ILDR2: variants seen among roughly 807,000 people sequenced by gnomAD.
The protein encoded by ILDR2 is immunoglobulin-like domain-containing receptor 2.
ILDR2 carries 25 observed loss-of-function variants against 66.8 expected under a neutral mutation model. The observed-to-expected ratio is 0.37, with a 90% CI of 0.27 to 0.52. The LOEUF (loss-of-function observed/expected upper bound fraction) is 0.52, where lower values mean the gene tolerates loss of function less well. ILDR2 is among the 20% of genes least tolerant of loss of function. The probability of loss-of-function intolerance (pLI) is 0.88; values close to 1 mark genes in which losing one functional copy is unlikely to be tolerated. For synonymous variants in ILDR2, 367 were observed against 357.2 expected, an observed-to-expected ratio of 1.03 and a Z score of -0.31; for missense variants, 827 against 876.8, an observed-to-expected ratio of 0.94 and a Z score of 0.72.
chr1:166,901,964 G>A (rs972336342), intron 2 of ILDR2, among the ~76,000 whole-genome samples: 4 of 152,192 alleles, frequency 2.6e-5, no homozygotes, highest in East Asian at 1.9e-4. Context: ...GGGTTCAGGC[G>A]ATTCTCCCGC....
rs571510907 is a variant in ILDR2 at position 166,939,825 on chromosome 1, T to C, written c.500-255A>G. ...ACAGAACTTTCTCTCCAACTATTTATAGGAGGAGGAAATCTCTGCTTGAGC... is the reference window on the plus strand; with the variant it reads ...ACAGAACTTTCTCTCCAACTATTTACAGGAGGAGGAAATCTCTGCTTGAGC... On this transcript the variant is annotated intron_variant, in intron 3 of 9. Coordinates refer to ENST00000271417, the MANE Select transcript of ILDR2 (RefSeq NM_199351.3). Among the ~76,000 whole-genome samples, 5 of 152,344 alleles carry C rather than the reference T, an allele frequency of 3.3e-5. No individual in the cohort carries two copies. In the South Asian group the frequency reaches 8.3e-4, roughly 25 times the overall value.
In ILDR2 at chr1:166,898,664, T is replaced by C. The variant is rs780222589; in HGVS notation, n.172-2563A>G. On this transcript the variant is annotated intron_variant and non_coding_transcript_variant, in intron 2 of 2. Transcript: ENST00000414590. ...TTTCTCTTATCACTTGTACATGATATGACATGATGAGATCATTTACTTTTC... is the reference window on the plus strand; with the variant it reads ...TTTCTCTTATCACTTGTACATGATACGACATGATGAGATCATTTACTTTTC... Among the ~76,000 whole-genome samples the C allele has an allele frequency of 4.6e-5, 7 of 152,372 alleles. No individual in the cohort carries two copies. In the South Asian group the frequency reaches 1.0e-3, roughly 23 times the overall value.
At chr1:166,938,281 AT>A (rs1661104037) in intron 4 of ILDR2, among the ~76,000 whole-genome samples, 1 of 152,268 alleles carries the variant, frequency 6.6e-6, no homozygotes. Context: ...TGGGTCAAGC[AT>A]TCAAGGATAA....
intron 3 of ILDR2, among the ~76,000 whole-genome samples, chr1:166,948,961 AC>A (rs1485531576): frequency 6.6e-6 from 1 of 152,178 alleles, no homozygotes; most frequent in African/African-American, 2.4e-5. Flanking sequence ...AGCTAAGGAA[AC>A]CCATGCTCAT....
At chr1:166,951,673 T>C (rs1374264218) in intron 3 of ILDR2, among the ~76,000 whole-genome samples, 2 of 152,218 alleles carry the variant, frequency 1.3e-5, no homozygotes, top group East Asian at 3.8e-4. Context: ...GTATTTGAGG[T>C]ATCACCCTCA....
chr1:166,961,293 T>C (rs1662598960), intron 1 of ILDR2, among the ~76,000 whole-genome samples: 1 of 152,170 alleles, frequency 6.6e-6, no homozygotes, highest in African/African-American at 2.4e-5. Context: ...AGATAATTAC[T>C]AAGAATAGCC....
rs1659432094 is a variant in ILDR2 at position 166,909,777 on chromosome 1, ATATTT to A, written c.*9573_*9577del. ...TATATATAAATATATATAAATATAT[ATATTT>A]ATATATATATATATATATATATATC... On this transcript the variant is annotated 3_prime_UTR_variant, in exon 10 of 10. Coordinates refer to ENST00000271417, the MANE Select transcript of ILDR2 (RefSeq NM_199351.3). The A allele has an allele frequency of 6.4e-5, 3 of 47,236 alleles. No homozygotes were observed. Among genetic ancestry groups the A allele is most frequent in the Non-Finnish European group, 1.3e-4 (3 of 23,378 alleles). 2.9% of individuals were successfully genotyped at this position (47,236 alleles called of 1,614,324 possible).
At position 166,922,778 on chromosome 1, in the gene ILDR2, TAG is replaced by T; in HGVS notation, c.1024_1025del (p.Leu342ThrfsTer2). The stretch of plus-strand genomic sequence containing the variant: ...GGCGGAAATTGCTGTCCTCCTCATG[TAG>T]GGAGCTGAGTTCTGAGATGGTGTTG... ...YNNTISELSS[L>X]HEEDSNFRQS... On this transcript the variant is annotated frameshift_variant, in exon 8 of 10. Transcript: ENST00000271417. LOFTEE classifies it high-confidence loss of function. The T allele has an allele frequency of 6.2e-7, 1 of 1,614,204 alleles. No individual in the cohort carries two copies. Among genetic ancestry groups the T allele is most frequent in the Non-Finnish European group, 8.5e-7 (1 of 1,180,014 alleles).
rs527961195 is a variant in ILDR2, at chr1:166,946,174, T to C, written c.500-6604A>G. ...ATGGCTATTTGGAATCCCAAATAGA[T>C]TGGAAATTTCCCAAGGGCACACACA... is the stretch of plus-strand genomic sequence containing the variant. On this transcript the variant is annotated intron_variant, in intron 3 of 9. Coordinates refer to ENST00000271417, the MANE Select transcript of ILDR2 (RefSeq NM_199351.3). Among the ~76,000 whole-genome samples the C allele has an allele frequency of 3.9e-5, 6 of 152,346 alleles. No individual in the cohort carries two copies. The East Asian group carries it at 1.2e-3, about 29-fold the overall frequency.
rs111971069 is a variant in ILDR2, at chr1:166,955,957, C to T, written c.499+776G>A. Reference sequence around the variant, plus strand: ...TCCCTACAATTATGCAGTTTCTTTTCTTATTTCTGTATGTTCTAATTTTCT... The same window carrying T: ...TCCCTACAATTATGCAGTTTCTTTTTTTATTTCTGTATGTTCTAATTTTCT... On this transcript the variant is annotated intron_variant, in intron 3 of 9. Coordinates refer to ENST00000271417, the MANE Select transcript of ILDR2 (RefSeq NM_199351.3). Among the ~76,000 whole-genome samples the T allele has an allele frequency of 8.3e-3, 1,269 of 152,182 alleles. 9 individuals carry two copies. The highest frequency in any genetic ancestry group is 0.014 in the Non-Finnish European group (963 of 67,986).
chr1:166,959,015 CTT>C (rs1157879839), intron 1 of ILDR2, among the ~76,000 whole-genome samples: 1 of 152,218 alleles, frequency 6.6e-6, no homozygotes, highest in Non-Finnish European at 1.5e-5. Flanking sequence ...AAACACCTCT[CTT>C]TGAGCACCAA....
intron 7 of ILDR2, among the ~76,000 whole-genome samples, chr1:166,926,219 G>A (rs546966998): frequency 6.1e-4 from 93 of 152,178 alleles, no homozygotes; most frequent in African/African-American, 2.2e-3. Flanking sequence ...ACAGCATAAT[G>A]ACCTCACTTC....
At chr1:166,974,187 C>T (rs1430949877) in intron 1 of ILDR2, among the ~76,000 whole-genome samples, 1 of 152,116 alleles carries the variant, frequency 6.6e-6, no homozygotes, top group Non-Finnish European at 1.5e-5. Context: ...CCCATCCTGT[C>T]CTCACCTTTC....
In ILDR2 at chr1:166,952,945, G is replaced by T. The variant is rs558591655; in HGVS notation, c.499+3788C>A. 1.6e-4 allele frequency among the ~76,000 whole-genome samples: 25 copies of T among 152,208 alleles called. 1 individual carries two copies. The highest frequency in any genetic ancestry group is 1.4e-3 in the Admixed American group (22 of 15,276). On this transcript the variant is annotated intron_variant, in intron 3 of 9. Transcript: ENST00000271417. ...TTTTTTCATTTGGAAAATAATACCTGCCCTCCTACAAGATTATTACAGAAC... is the reference window on the plus strand; with the variant it reads ...TTTTTTCATTTGGAAAATAATACCTTCCCTCCTACAAGATTATTACAGAAC...
At chr1:166,959,055 C>T (rs1279725155) in intron 1 of ILDR2, among the ~76,000 whole-genome samples, 1 of 152,194 alleles carries the variant, frequency 6.6e-6, no homozygotes, top group African/African-American at 2.4e-5. Flanking sequence ...CAACTAATAG[C>T]TTCCCCAGTG....
rs532680583 is a variant in ILDR2 at position 166,922,646 on chromosome 1, G to T, written c.1158C>A (p.Arg386=). Residue 386 remains arginine, a synonymous_variant, in exon 8 of 10, where the codon CGC becomes CGA. Coordinates refer to ENST00000271417, the MANE Select transcript of ILDR2 (RefSeq NM_199351.3). ...GVMGGSSGAS[R]GPSAMEYNKE... is the part of the protein sequence containing the mutation. Reference sequence around the variant, plus strand: ...TGTTATACTCCATGGCTGAGGGCCCGCGGCTTGCCCCACTGCTGCCTCCCA... The same window carrying T: ...TGTTATACTCCATGGCTGAGGGCCCTCGGCTTGCCCCACTGCTGCCTCCCA... The T allele has an allele frequency of 3.1e-6, 5 of 1,614,156 alleles. No individual in the cohort carries two copies. The African/African-American group carries it at 6.7e-5, about 22-fold the overall frequency.
chr1:166,962,070 C>T (rs769794376), intron 1 of ILDR2, among the ~76,000 whole-genome samples: 8 of 152,182 alleles, frequency 5.3e-5, no homozygotes, highest in Non-Finnish European at 1.0e-4. Context: ...TTGAGAACCA[C>T]AGAGTGAAGT....
In ILDR2 at chr1:166,912,740, T is replaced by C. The variant is rs1659496696; in HGVS notation, c.*6615A>G. 6.6e-6 allele frequency: 1 copy of C among 152,218 alleles called. No individual in the cohort carries two copies. The highest frequency in any genetic ancestry group is 2.1e-4 in the South Asian group (1 of 4,830). The allele number at this position is 152,218 out of a possible 1,614,324, so 9.4% of individuals were successfully genotyped here. A position where few individuals can be genotyped will look rare whatever the true frequency, so the allele number is the denominator to read the frequency against. ...TCTCAGAGGTATTTATCACTTCTTTTGCTAACAAAGGTTTTTAATTGCCTC... is the reference window on the plus strand; with the variant it reads ...TCTCAGAGGTATTTATCACTTCTTTCGCTAACAAAGGTTTTTAATTGCCTC... On this transcript the variant is annotated 3_prime_UTR_variant, in exon 10 of 10. Coordinates refer to ENST00000271417, the MANE Select transcript of ILDR2 (RefSeq NM_199351.3).
chr1:166,974,096 C>T (rs1026278032), intron 1 of ILDR2, among the ~76,000 whole-genome samples: 3 of 152,072 alleles, frequency 2.0e-5, no homozygotes, highest in Admixed American at 2.0e-4. Flanking sequence ...TGATTTTGTC[C>T]AGATCTTCTG....
Sources: allele counts gnomAD v4.1 joint callset (sites outside exome capture counted in the v4.1 genomes callset), GRCh38; gene constraint gnomAD v4.1.1; transcripts MANE v1.5; gene names NCBI Gene and HGNC (gene_info 2026-07-23, HGNC 2026-07-21).